TAF1L: variants seen among roughly 807,000 people sequenced by gnomAD.
TAF1L encodes transcription initiation factor TFIID subunit 1-like.
In TAF1L, 30 loss-of-function variants were observed where a neutral mutation model predicts 128.8. The ratio of observed to expected loss-of-function variants is 0.23; its 90% CI spans 0.17 to 0.32. TAF1L has a LOEUF of 0.32. Among genes scored for constraint, TAF1L ranks in the 10% least tolerant of loss-of-function variants. TAF1L has a pLI of 1.00. For synonymous variants in TAF1L, 764 were observed against 790.7 expected (o/e 0.97, Z 0.57); for missense variants, 2,099 against 2,253.7 (o/e 0.93, Z 1.39).
rs1313908681 is a variant in TAF1L at position 32,632,109 on chromosome 9, T to C, written c.3471A>G (p.Ser1157=). 5 of 1,614,226 alleles carry C rather than the reference T, an allele frequency of 3.1e-6. No homozygotes were observed. Among genetic ancestry groups the C allele is most frequent in the Non-Finnish European group, 4.2e-6 (5 of 1,180,044 alleles). The change falls in exon 1 of 1, where the codon TCA becomes TCG. Residue 1157 remains serine, a synonymous_variant. Coordinates refer to ENST00000242310, the MANE Select transcript of TAF1L (RefSeq NM_153809.2). The surrounding 1 kb of genome is among the most constrained non-coding windows in gnomAD (Gnocchi z 4.4). ...ELRRMLLVAG[S]AASGNNHRDD... ...CTCTGTGATTGTTTCCTGATGCTGC[T>C]GAGCCTGCTACCAGTAGCATTCGCC...
At position 32,632,074 on chromosome 9, in the gene TAF1L, G is replaced by A. The variant is rs55976674; in HGVS notation, c.3506C>T (p.Thr1169Ile). ...ASGNNHRDDV[T>I]ASMTSLKSSA... ...AGACTTAAGGCTAGTCATGGAAGCT[G>A]TGACATCATCTCTGTGATTGTTTCC... Residue 1169 changes from threonine (T) to isoleucine (I), a missense_variant, in exon 1 of 1, where the codon ACA (threonine) becomes ATA (isoleucine). This residue lies in a region of TAF1L where 1,213 missense variants were observed against 1,391.4 expected (regional missense o/e 0.87). Coordinates refer to ENST00000242310, the MANE Select transcript of TAF1L (RefSeq NM_153809.2). This position sits in a 1 kb window ranked among gnomAD's most constrained non-coding sequence, Gnocchi z 4.4. 1.5e-3 allele frequency: 2,458 copies of A among 1,614,094 alleles called. 35 individuals carry two copies. In the African/African-American group the frequency reaches 0.029, roughly 19 times the overall value.
Position 32,631,902 on chromosome 9 carries a change from T to C in TAF1L, c.3678A>G (p.Gln1226=). 1 of 1,614,230 alleles carries C rather than the reference T, an allele frequency of 6.2e-7. No homozygotes were observed. Among genetic ancestry groups the C allele is most frequent in the South Asian group, 1.1e-5 (1 of 91,090 alleles). The change falls in exon 1 of 1, where the codon CAA becomes CAG. Residue 1226 remains glutamine, a synonymous_variant. Coordinates refer to ENST00000242310, the MANE Select transcript of TAF1L (RefSeq NM_153809.2). This position sits in a 1 kb window ranked among gnomAD's most constrained non-coding sequence, Gnocchi z 4.1. The part of the protein sequence containing the change: ...IRTTKDEKFI[Q]KFALFDEKHR... ...GTTTTTCATCAAAAAGGGCAAATTT[T>C]TGAATGAATTTCTCATCTTTTGTAG...
At position 32,630,536 on chromosome 9, in the gene TAF1L, A is replaced by G. The variant is rs966743447; in HGVS notation, c.5044T>C (p.Ser1682Pro). Reference protein sequence around the residue: ...NTSLSTSRDASVFQDESNLSV... With the variant: ...NTSLSTSRDAPVFQDESNLSV... ...AAATTGCTCTCATCTTGAAATACAG[A>G]GGCATCTCGAGACGTACTGAGGGAT... is the stretch of plus-strand genomic sequence containing the variant. Residue 1682 changes from serine (S) to proline (P), a missense_variant, in exon 1 of 1, where the codon TCT becomes CCT. This residue lies in a region of TAF1L where 404 missense variants were observed against 406.5 expected (regional missense o/e 0.99). Coordinates refer to ENST00000242310, the MANE Select transcript of TAF1L (RefSeq NM_153809.2). 2 of 1,614,066 alleles carry G rather than the reference A, an allele frequency of 1.2e-6. No homozygotes were observed. The highest frequency in any genetic ancestry group is 1.7e-6 in the Non-Finnish European group (2 of 1,180,044).
In TAF1L at chr9:32,634,305, T is replaced by C. The variant is rs752907081; in HGVS notation, c.1275A>G (p.Thr425=). The change falls in exon 1 of 1, where the codon ACA becomes ACG. Residue 425 remains threonine, a synonymous_variant. Transcript: ENST00000242310. ...TGATAGAATCCTCCCAATGCAGCTG[T>C]GTCACCATCAGGAAGTTTTCGTCAG... ...LLADENFLMV[T]QLHWEDSIIW... is the part of the protein sequence containing the mutation. 3 of 1,614,230 alleles carry C rather than the reference T, an allele frequency of 1.9e-6. No individual in the cohort carries two copies. The highest frequency in any genetic ancestry group is 2.2e-5 in the East Asian group (1 of 44,884).
Position 32,634,140 on chromosome 9 carries a change from G to T in TAF1L, c.1440C>A (p.Asp480Glu), listed in dbSNP as rs1274403774. Residue 480 changes from aspartate (D) to glutamate (E), a missense_variant, in exon 1 of 1, where the codon GAC becomes GAA. Asp to Glu is a conservative substitution (Grantham distance 45, BLOSUM62 2). This residue lies in a region of TAF1L where 1,213 missense variants were observed against 1,391.4 expected (regional missense o/e 0.87). Coordinates refer to ENST00000242310, the MANE Select transcript of TAF1L (RefSeq NM_153809.2). ...TGGGAAAAATGGAGTACCAAGGTTT[G>T]TCATCATCCAGAGTGGGTGCAAAAC... ...QQGFAPTLDD[D>E]KPWYSIFPID... 1 of 1,614,180 alleles carries T rather than the reference G, an allele frequency of 6.2e-7. No individual in the cohort carries two copies. Among genetic ancestry groups the T allele is most frequent in the South Asian group, 1.1e-5 (1 of 91,076 alleles).
In TAF1L at chr9:32,632,010, A is replaced by G. The variant is rs1361179172; in HGVS notation, c.3570T>C (p.Phe1190=). ...CATACTCTTTCCCCTCTTCATCTCG[A>G]AATGTGCGATAAATCTTGAGACAGT... ...TGHCLKIYRT[F]RDEEGKEYVR... The change falls in exon 1 of 1, where the codon TTT becomes TTC. Residue 1190 remains phenylalanine (F), a synonymous_variant. Coordinates refer to ENST00000242310, the MANE Select transcript of TAF1L (RefSeq NM_153809.2). The surrounding 1 kb of genome is among the most constrained non-coding windows in gnomAD (Gnocchi z 4.4). The G allele has an allele frequency of 1.2e-6, 2 of 1,613,954 alleles. No homozygotes were observed. Among genetic ancestry groups the G allele is most frequent in the African/African-American group, 2.7e-5 (2 of 74,876 alleles).
chr9:32,633,691 T>A lies in TAF1L; in HGVS notation c.1889A>T (p.Lys630Ile), dbSNP rs1241386457. Reference sequence around the variant, plus strand: ...AGGTGGGCGATGGAACTGCCGGATTTTGATGGGCCCCATGTGGGTGGGAAA... The same window carrying A: ...AGGTGGGCGATGGAACTGCCGGATTATGATGGGCCCCATGTGGGTGGGAAA... The part of the protein sequence containing the change: ...PFFPTHMGPI[K>I]IRQFHRPPLK... The change falls in exon 1 of 1, where the codon AAA becomes ATA. Residue 630 changes from lysine (K) to isoleucine (I), a missense_variant. Transcript: ENST00000242310. The A allele has an allele frequency of 6.2e-7, 1 of 1,614,152 alleles. No individual in the cohort carries two copies. The highest frequency in any genetic ancestry group is 8.5e-7 in the Non-Finnish European group (1 of 1,180,024).
In TAF1L at chr9:32,635,309, C is replaced by G. The variant is rs75633134; in HGVS notation, c.271G>C (p.Gly91Arg). 1 of 1,614,020 alleles carries G rather than the reference C, an allele frequency of 6.2e-7. No individual in the cohort carries two copies. Among genetic ancestry groups the G allele is most frequent in the Non-Finnish European group, 8.5e-7 (1 of 1,180,028 alleles). Reference sequence around the variant, plus strand: ...CACCCTTCATCATTTACCAAGGCACCGCCAGTCCCAGTCAATTCTTCATTT... The same window carrying G: ...CACCCTTCATCATTTACCAAGGCACGGCCAGTCCCAGTCAATTCTTCATTT... ...TANEELTGTGGALVNDEGWIR... is the reference protein window; with the variant it reads ...TANEELTGTGRALVNDEGWIR... The change falls in exon 1 of 1, where the codon GGT becomes CGT. Residue 91 changes from glycine to arginine, a missense_variant. By Grantham distance (125) the Gly-to-Arg change is moderately radical (BLOSUM62 -2). Around this residue, in one of 4 missense-constraint regions of TAF1L, gnomAD observed 473 missense variants for 429.6 expected, o/e 1.10. Coordinates refer to ENST00000242310, the MANE Select transcript of TAF1L (RefSeq NM_153809.2).
chr9:32,632,502 T>G lies in TAF1L; in HGVS notation c.3078A>C (p.Leu1026=), dbSNP rs1317415392. Reference sequence around the variant, plus strand: ...CTTCCTCAGGCACACCAAATTTACGTAGAAGTTGCTTGGCATTTTTCAGGG... The same window carrying G: ...CTTCCTCAGGCACACCAAATTTACGGAGAAGTTGCTTGGCATTTTTCAGGG... The part of the protein sequence containing the change: ...RLSLKNAKQL[L]RKFGVPEEEI... The change falls in exon 1 of 1, where the codon CTA becomes CTC. Residue 1026 remains leucine, a synonymous_variant. Coordinates refer to ENST00000242310, the MANE Select transcript of TAF1L (RefSeq NM_153809.2). This position sits in a 1 kb window ranked among gnomAD's most constrained non-coding sequence, Gnocchi z 4.4. The G allele has an allele frequency of 6.2e-7, 1 of 1,614,242 alleles. No individual in the cohort carries two copies. Among genetic ancestry groups the G allele is most frequent in the East Asian group, 2.2e-5 (1 of 44,884 alleles).
Position 32,631,553 on chromosome 9 carries a change from C to G in TAF1L, c.4027G>C (p.Val1343Leu). ...ELIKVEGTKI[V>L]FGKQLIENVH... is the part of the protein sequence containing the mutation. ...TTCTCAATTAGCTGTTTCCCGAAGA[C>G]AATTTTGGTCCCTTCAACCTTGATA... The change falls in exon 1 of 1, where the codon GTC becomes CTC. Residue 1343 changes from valine to leucine, a missense_variant. Physicochemically the swap from Val to Leu is conservative, Grantham distance 32 (BLOSUM62 1). Around this residue, in one of 4 missense-constraint regions of TAF1L, gnomAD observed 1,213 missense variants for 1,391.4 expected, o/e 0.87. Transcript: ENST00000242310. The surrounding 1 kb of genome is among the most constrained non-coding windows in gnomAD (Gnocchi z 4.1). 1.2e-6 allele frequency: 2 copies of G among 1,614,188 alleles called. No individual in the cohort carries two copies.
chr9:32,634,635 A>G lies in TAF1L; in HGVS notation c.945T>C (p.Tyr315=), dbSNP rs56351932. ...VSQKSLWNYD[Y]APPPPPEQCL... Reference sequence around the variant, plus strand: ...ACTGCTCTGGGGGTGGTGGTGGAGCATAGTCATAGTTCCACAAAGACTTCT... The same window carrying G: ...ACTGCTCTGGGGGTGGTGGTGGAGCGTAGTCATAGTTCCACAAAGACTTCT... Residue 315 remains tyrosine (Y), a synonymous_variant, in exon 1 of 1, where the codon TAT becomes TAC. Coordinates refer to ENST00000242310, the MANE Select transcript of TAF1L (RefSeq NM_153809.2). 3.5e-3 allele frequency: 5,586 copies of G among 1,614,140 alleles called. 148 individuals are homozygous for G. The African/African-American group carries it at 0.062, about 18-fold the overall frequency.
rs1208676046 is a variant in TAF1L, at chr9:32,630,459, G to A, written c.5121C>T (p.Gly1707=). The part of the protein sequence containing the change: ...TATPEKQMCQ[G]QGRLGEEDSD... ...AGTCTTCCTCACCCAGCCTACCTTG[G>A]CCCTGGCACATCTGTTTTTCTGGAG... Residue 1707 remains glycine, a synonymous_variant, in exon 1 of 1, where the codon GGC becomes GGT. Coordinates refer to ENST00000242310, the MANE Select transcript of TAF1L (RefSeq NM_153809.2). The A allele has an allele frequency of 5.6e-6, 9 of 1,613,938 alleles. No homozygotes were observed. The African/African-American group carries it at 1.2e-4, about 22-fold the overall frequency.
At position 32,635,305 on chromosome 9, in the gene TAF1L, G is replaced by T. The variant is rs905482062; in HGVS notation, c.275C>A (p.Ala92Asp). 3.1e-6 allele frequency: 5 copies of T among 1,614,062 alleles called. No individual in the cohort carries two copies. The highest frequency in any genetic ancestry group is 2.5e-6 in the Non-Finnish European group (3 of 1,180,006). Residue 92 changes from alanine to aspartate, a missense_variant, in exon 1 of 1, where the codon GCC (alanine) becomes GAC (aspartate). Ala to Asp is a moderately radical substitution (Grantham distance 126, BLOSUM62 -2). Coordinates refer to ENST00000242310, the MANE Select transcript of TAF1L (RefSeq NM_153809.2). ...AATCCACCCTTCATCATTTACCAAG[G>T]CACCGCCAGTCCCAGTCAATTCTTC... ...ANEELTGTGGALVNDEGWIRS... is the reference protein window; with the variant it reads ...ANEELTGTGGDLVNDEGWIRS...
chr9:32,633,459 T>C lies in TAF1L; in HGVS notation c.2121A>G (p.Gly707=). 6.2e-7 allele frequency: 1 copy of C among 1,614,198 alleles called. No homozygotes were observed. The highest frequency in any genetic ancestry group is 8.5e-7 in the Non-Finnish European group (1 of 1,180,040). ...CCATGCCAACCTGCATCATTAAGGG[T>C]CCATTTTCCTCACTATATTCTGCAA... ...LILAEYSEEN[G]PLMMQVGMAT... Residue 707 remains glycine (G), a synonymous_variant, in exon 1 of 1, where the codon GGA becomes GGG. Coordinates refer to ENST00000242310, the MANE Select transcript of TAF1L (RefSeq NM_153809.2).
In TAF1L at chr9:32,633,529, A is replaced by AC. The variant is rs773360183; in HGVS notation, c.2050_2051insG (p.Met684SerfsTer20). 6.2e-7 allele frequency: 1 copy of AC among 1,614,240 alleles called. No individual in the cohort carries two copies. The highest frequency in any genetic ancestry group is 8.5e-7 in the Non-Finnish European group (1 of 1,180,056). ...GCCTGTGAGATCCTGAGGTGTGCGC[A>AC]TAAAAAACAACTCTCCACCACCTGA... On this transcript the variant is annotated frameshift_variant, in exon 1 of 1. Transcript: ENST00000242310. LOFTEE classifies it high-confidence loss of function.
In TAF1L at chr9:32,634,570, T is replaced by C. The variant is rs1353083052; in HGVS notation, c.1010A>G (p.Glu337Gly). 1.9e-6 allele frequency: 3 copies of C among 1,614,162 alleles called. No homozygotes were observed. The highest frequency in any genetic ancestry group is 1.1e-5 in the South Asian group (1 of 91,068). ...DDEITMMVPV[E>G]SKFSQSTGDV... is the part of the protein sequence containing the mutation. ...TCCAGTTGATTGGGAAAATTTGGAC[T>C]CCACAGGAACCATCATCGTGATTTC... The change falls in exon 1 of 1, where the codon GAG (glutamate) becomes GGG (glycine). Residue 337 changes from glutamate to glycine, a missense_variant. Around this residue, in one of 4 missense-constraint regions of TAF1L, gnomAD observed 473 missense variants for 429.6 expected, o/e 1.10. Coordinates refer to ENST00000242310, the MANE Select transcript of TAF1L (RefSeq NM_153809.2).
Position 32,633,315 on chromosome 9 carries a change from A to G in TAF1L, c.2265T>C (p.Pro755=). The change falls in exon 1 of 1, where the codon CCT becomes CCC. Residue 755 remains proline, a synonymous_variant. Transcript: ENST00000242310. ...TCTCAAGTGCCTGCAGTAATTGGCC[A>G]GGATGGAGAGAGCCCAAGAAAGGAG... is the stretch of plus-strand genomic sequence containing the variant. ...HTSPFLGSLH[P]GQLLQALENN... is the part of the protein sequence containing the mutation. 1.2e-6 allele frequency: 2 copies of G among 1,614,274 alleles called. No individual in the cohort carries two copies. The highest frequency in any genetic ancestry group is 1.1e-5 in the South Asian group (1 of 91,084).
At position 32,635,079 on chromosome 9, in the gene TAF1L, C is replaced by T. The variant is rs1175449982; in HGVS notation, c.501G>A (p.Lys167=). 6.2e-7 allele frequency: 1 copy of T among 1,613,962 alleles called. No homozygotes were observed. The highest frequency in any genetic ancestry group is 8.5e-7 in the Non-Finnish European group (1 of 1,179,994). The stretch of plus-strand genomic sequence containing the variant: ...AGGTAATAGCATCTTGGTCCTTATC[C>T]TTCTTCATTGGTCCCGGGGGTGGAG... ...PPPPPPGPMK[K]DKDQDAITCV... is the part of the protein sequence containing the mutation. The change falls in exon 1 of 1, where the codon AAG becomes AAA. Residue 167 remains lysine (K), a synonymous_variant. Coordinates refer to ENST00000242310, the MANE Select transcript of TAF1L (RefSeq NM_153809.2).
At position 32,635,016 on chromosome 9, in the gene TAF1L, G is replaced by A. The variant is rs1353509175; in HGVS notation, c.564C>T (p.Ser188=). ...AGGCCAAAAAGGAAGGGGCAATGATGGAGGGCAAGATGATGTCTTCTCCAC... is the reference window on the plus strand; with the variant it reads ...AGGCCAAAAAGGAAGGGGCAATGATAGAGGGCAAGATGATGTCTTCTCCAC... ...SESGEDIILP[S]IIAPSFLASE... Residue 188 remains serine (S), a synonymous_variant, in exon 1 of 1, where the codon TCC becomes TCT. Transcript: ENST00000242310. 5 of 1,613,996 alleles carry A rather than the reference G, an allele frequency of 3.1e-6. No individual in the cohort carries two copies. Among genetic ancestry groups the A allele is most frequent in the Non-Finnish European group, 4.2e-6 (5 of 1,180,030 alleles).
Sources: gnomAD v4.1 joint callset for allele counts on GRCh38, gnomAD v4.1.1 for gene constraint, gnomAD v4.1.1 regional missense constraint, Gnocchi (gnomAD v3.1) non-coding constraint, MANE v1.5 for transcripts, NCBI Gene and HGNC (gene_info 2026-07-23, HGNC 2026-07-21) for gene names.